GPNMB: variants seen among roughly 807,000 people sequenced by gnomAD.
The protein encoded by GPNMB is transmembrane glycoprotein NMB.
In GPNMB, 71 loss-of-function variants were observed where a neutral mutation model predicts 57.3. The ratio of observed to expected loss-of-function variants is 1.24; its 90% CI spans 1.02 to 1.51. The LOEUF is 1.51. GPNMB is among the 40% of genes most tolerant of loss of function. The probability of loss-of-function intolerance (pLI) is 0.00; values close to 1 mark genes in which losing one functional copy is unlikely to be tolerated. For missense variants in GPNMB, 677 were observed against 691.9 expected (o/e 0.98, Z 0.24); for synonymous variants, 253 against 263.2 (o/e 0.96, Z 0.38).
intron 6 of GPNMB, among the ~76,000 whole-genome samples, chr7:23,261,590 T>G (rs996569615): frequency 9.2e-5 from 14 of 151,966 alleles, no homozygotes; most frequent in African/African-American, 3.4e-4. Flanking sequence ...ATGAGAACAC[T>G]TGGACACAGG....
At chr7:23,260,953 A>T (rs1483055631) in intron 6 of GPNMB, among the ~76,000 whole-genome samples, 180 bp downstream of exon 6, 1 of 152,208 alleles carries the variant, frequency 6.6e-6, no homozygotes, top group Non-Finnish European at 1.5e-5. Context: ...AGAACACAGA[A>T]GAAGGAAGAA....
chr7:23,262,777 C>A (rs576377695), intron 6 of GPNMB, among the ~76,000 whole-genome samples: 1 of 151,886 alleles, frequency 6.6e-6, no homozygotes, highest in African/African-American at 2.4e-5. Context: ...CACAACCACA[C>A]CCAGCTAATT....
In GPNMB at chr7:23,259,473, C is replaced by T. The variant is rs1339343300; in HGVS notation, c.542-507C>T. On this transcript the variant is annotated intron_variant, in intron 4 of 10. Transcript: ENST00000258733. The stretch of plus-strand genomic sequence containing the variant: ...CTGGGATTACAGGCATGAGCTACCG[C>T]GCCCAGCCACTTGCTGTATTTTTAT... Among the ~76,000 whole-genome samples, 7 of 152,242 alleles carry T rather than the reference C, an allele frequency of 4.6e-5. No homozygotes were observed. In the South Asian group the frequency reaches 8.3e-4, roughly 18 times the overall value.
chr7:23,252,963 T>A (rs763196064), intron 1 of GPNMB, among the ~76,000 whole-genome samples: 7 of 151,942 alleles, frequency 4.6e-5, no homozygotes, highest in East Asian at 1.9e-4. Flanking sequence ...GAAAAAAAAA[T>A]GCAAAAATCT....
intron 3 of GPNMB, among the ~76,000 whole-genome samples, chr7:23,256,681 T>A (rs1035086205): frequency 3.9e-5 from 6 of 152,252 alleles, no homozygotes; most frequent in Admixed American, 2.6e-4. Flanking sequence ...TTGCTTTGTA[T>A]AAAACCTTCA....
chr7:23,255,875 T>G (rs1782764851), intron 3 of GPNMB, among the ~76,000 whole-genome samples: 1 of 152,192 alleles, frequency 6.6e-6, no homozygotes, highest in South Asian at 2.1e-4. Context: ...ATCATTTCTT[T>G]GTGCTGAGAA....
rs199884515 is a variant in GPNMB at position 23,260,723 on chromosome 7, G to T, written c.968G>T (p.Cys323Phe). 6.3e-7 allele frequency: 1 copy of T among 1,593,726 alleles called. No homozygotes were observed. The highest frequency in any genetic ancestry group is 8.6e-7 in the Non-Finnish European group (1 of 1,167,000). The change falls in exon 6 of 11, where the codon TGT (cysteine) becomes TTT (phenylalanine). Residue 323 changes from cysteine to phenylalanine, a missense_variant. Physicochemically the swap from Cys to Phe is radical, Grantham distance 205. Transcript: ENST00000258733. ...LTVKAAAPGP[C>F]PPPPPPPRPS... ...GTGAAAGCTGCAGCACCAGGACCTT[G>T]TCCGCCACCGCCACCACCACCCAGA...
chr7:23,260,128 C>T lies in GPNMB; in HGVS notation c.690C>T (p.Tyr230=), dbSNP rs752212793. 8.1e-6 allele frequency: 13 copies of T among 1,613,670 alleles called. No homozygotes were observed. The highest frequency in any genetic ancestry group is 2.7e-5 in the African/African-American group (2 of 74,876). The change falls in exon 5 of 11, where the codon TAC becomes TAT. Residue 230 remains tyrosine (Y), a synonymous_variant. Transcript: ENST00000258733. ...CCATCGCACAAGTGAAAGATGTGTA[C>T]GTGGTAACAGGTGAGTGGTGTGAAC... ...YVPIAQVKDV[Y]VVTDQIPVFV...
intron 9 of GPNMB, 35 bp from the exon 10 acceptor site, chr7:23,273,486 A>C: frequency 9.7e-6 from 13 of 1,344,800 alleles, no homozygotes; most frequent in Non-Finnish European, 1.3e-5. Flanking sequence ...TCTAGGTGGA[A>C]GACATAACTA....
rs149955926 is a variant in GPNMB, at chr7:23,266,210, A to T, written c.1019-307A>T. On this transcript the variant is annotated intron_variant, in intron 6 of 10. Coordinates refer to ENST00000258733, the MANE Select transcript of GPNMB (RefSeq NM_002510.3). ...ATGATCTGCCCCCCTCGGCCTCCCAAAGTGCTGGGATTACAGGCATGAGCC... is the reference window on the plus strand; with the variant it reads ...ATGATCTGCCCCCCTCGGCCTCCCATAGTGCTGGGATTACAGGCATGAGCC... The T allele has an allele frequency of 4.4e-3, 1,314 of 295,924 alleles. 19 individuals carry two copies. The highest frequency in any genetic ancestry group is 0.027 in the African/African-American group (1,234 of 45,508). The allele number at this position is 295,924 out of a possible 1,614,324, so 18.3% of individuals were successfully genotyped here.
chr7:23,265,562 T>A (rs1783036647), intron 6 of GPNMB, among the ~76,000 whole-genome samples: 1 of 152,158 alleles, frequency 6.6e-6, no homozygotes, highest in South Asian at 2.1e-4. Context: ...TCTCTGCTCA[T>A]CACAGTAAGA....
chr7:23,268,124 C>A (rs1783114946), intron 8 of GPNMB, 136 bp downstream of exon 8: 2 of 633,674 alleles, frequency 3.2e-6, no homozygotes, highest in Admixed American at 5.6e-5. Context: ...TTACTGGTAA[C>A]CCTAGACAGG....
chr7:23,256,617 G>T (rs1277135133), intron 3 of GPNMB, among the ~76,000 whole-genome samples: 1 of 152,160 alleles, frequency 6.6e-6, no homozygotes, highest in Non-Finnish European at 1.5e-5. Flanking sequence ...TTGAAAACCC[G>T]ATAGGAAGAA....
intron 7 of GPNMB, 24 bp downstream of exon 7, chr7:23,266,639 T>C (rs1213526230): frequency 3.1e-6 from 5 of 1,609,150 alleles, no homozygotes; most frequent in Non-Finnish European, 4.2e-6. Flanking sequence ...TGATGACCAG[T>C]GAGGAAGGAT....
In GPNMB at chr7:23,264,263, CTTCT is replaced by C. The variant is rs1419234182; in HGVS notation, c.1019-2249_1019-2246del. The stretch of plus-strand genomic sequence containing the variant: ...ATACCAAATTAAGGATGAAGTTGAC[CTTCT>C]TTCTCATCTGTCTTTTAAGGTGTGC... On this transcript the variant is annotated intron_variant, in intron 6 of 10. Transcript: ENST00000258733. 1.6e-4 allele frequency among the ~76,000 whole-genome samples: 24 copies of C among 152,280 alleles called. 1 individual carries two copies. Among genetic ancestry groups the C allele is most frequent in the African/African-American group, 5.1e-4 (21 of 41,544 alleles).
chr7:23,268,138 G>T, intron 8 of GPNMB, 150 bp downstream of exon 8: 1 of 606,454 alleles, frequency 1.6e-6, no homozygotes, highest in South Asian at 2.0e-5. Context: ...AGACAGGAAG[G>T]TCCCTAGGAG....
intron 6 of GPNMB, among the ~76,000 whole-genome samples, chr7:23,263,817 AC>A (rs1465576507): frequency 1.3e-5 from 2 of 151,960 alleles, no homozygotes; most frequent in African/African-American, 2.4e-5. Context: ...TTCCAGCTGT[AC>A]AGGCCATATT....
At position 23,259,996 on chromosome 7, in the gene GPNMB, A is replaced by C; in HGVS notation, c.558A>C (p.Lys186Asn). The C allele has an allele frequency of 6.2e-7, 1 of 1,614,182 alleles. No homozygotes were observed. The highest frequency in any genetic ancestry group is 1.1e-5 in the South Asian group (1 of 91,078). The change falls in exon 5 of 11, where the codon AAA becomes AAC. Residue 186 changes from lysine to asparagine, a missense_variant. By Grantham distance (94) the Lys-to-Asn change is moderately conservative. Transcript: ENST00000258733. ...CTCCCAAAGGTCAGTATTTCCAGAA[A>C]TTGGGACGATGTTCAGTGAGAGTTT... Reference protein sequence around the residue: ...VFHTLGQYFQKLGRCSVRVSV... With the variant: ...VFHTLGQYFQNLGRCSVRVSV...
intron 3 of GPNMB, among the ~76,000 whole-genome samples, chr7:23,255,080 G>A (rs13244242): frequency 3.3e-5 from 5 of 152,208 alleles, no homozygotes; most frequent in Non-Finnish European, 5.9e-5. Context: ...GTGCAATGGC[G>A]CGATCTTGGT....
Sources: gnomAD v4.1 joint callset for allele counts (sites outside exome capture counted in the v4.1 genomes callset) on GRCh38, gnomAD v4.1.1 for gene constraint, MANE v1.5 for transcripts, NCBI Gene and HGNC (gene_info 2026-07-23, HGNC 2026-07-21) for gene names.